NCKAP1L: variants seen among roughly 807,000 people sequenced by gnomAD.
NCKAP1L encodes the protein nck-associated protein 1-like.
A neutral mutation model predicts 139.2 loss-of-function variants in NCKAP1L; 53 were observed. That is an observed-to-expected ratio of 0.38 (90% CI 0.31 to 0.48). The LOEUF (loss-of-function observed/expected upper bound fraction) is 0.48. Ranked by LOEUF, NCKAP1L falls within the 20% of genes least tolerant of loss-of-function variation. The probability of loss-of-function intolerance (pLI) is 0.98; values close to 1 mark genes in which losing one functional copy is unlikely to be tolerated. For synonymous variants in NCKAP1L, 468 were observed against 499.7 expected, an observed-to-expected ratio of 0.94 and a Z score of 0.85; for missense variants, 1,151 against 1,381.9, an observed-to-expected ratio of 0.83 and a Z score of 2.65.
rs773245338 is a variant in NCKAP1L, at chr12:54,537,007, C to T, written c.3137C>T (p.Thr1046Met). 5.3e-5 allele frequency: 86 copies of T among 1,613,536 alleles called. No individual in the cohort carries two copies. The highest frequency in any genetic ancestry group is 6.9e-5 in the Non-Finnish European group (81 of 1,179,680). Residue 1046 changes from threonine (T) to methionine (M), a missense_variant, in exon 29 of 31, where the codon ACG (threonine) becomes ATG (methionine). Coordinates refer to ENST00000293373, the MANE Select transcript of NCKAP1L (RefSeq NM_005337.5). ...ATCCAGGTGTCTGCTGCCCTCTTCA[C>T]GCTCTACAACAAGAACATTGAAACT... Reference protein sequence around the residue: ...AIIQVSAALFTLYNKNIETHL... With the variant: ...AIIQVSAALFMLYNKNIETHL...
chr12:54,499,552 C>G (rs535609470), intron 2 of NCKAP1L, 87 bp downstream of exon 2: 46 of 802,388 alleles, frequency 5.7e-5, no homozygotes, highest in Admixed American at 1.4e-4. Flanking sequence ...TCTCTTCAAA[C>G]TTGGCAGGGG....
intron 20 of NCKAP1L, among the ~76,000 whole-genome samples, chr12:54,525,036 G>A (rs1437947604): frequency 6.6e-6 from 1 of 152,198 alleles, no homozygotes; most frequent in African/African-American, 2.4e-5. Flanking sequence ...TAGGTTCAAG[G>A]GACATGGAGA....
At chr12:54,519,042 A>G in intron 15 of NCKAP1L, 70 bp downstream of exon 15, 1 of 1,557,818 alleles carries the variant, frequency 6.4e-7, no homozygotes, top group Non-Finnish European at 8.8e-7. Flanking sequence ...TTCTCTTTTT[A>G]TCTCCTAAAT....
intron 21 of NCKAP1L, among the ~76,000 whole-genome samples, chr12:54,527,020 T>TC (rs1398270966): frequency 6.6e-6 from 1 of 152,206 alleles, no homozygotes; most frequent in Non-Finnish European, 1.5e-5. Context: ...TCTTAACCTT[T>TC]CTTTTTTGGA....
chr12:54,513,599 A>G (rs774593190), intron 9 of NCKAP1L, among the ~76,000 whole-genome samples: 3 of 152,272 alleles, frequency 2.0e-5, no homozygotes, highest in Admixed American at 1.3e-4. Context: ...AGGAAGGACC[A>G]GTGATCTGTT....
In NCKAP1L at chr12:54,535,204, T is replaced by C. The variant is rs372750536; in HGVS notation, c.2956+7T>C. The stretch of plus-strand genomic sequence containing the variant: ...ATTGCTAATCTGAAAGCTGGTAAGA[T>C]TGGGGAAAGGGGGCGAGATTTGGGA... On this transcript the variant is annotated splice_region_variant and intron_variant, in intron 27 of 30. Transcript: ENST00000293373. The C allele has an allele frequency of 3.6e-5, 58 of 1,611,626 alleles. No homozygotes were observed. The highest frequency in any genetic ancestry group is 2.9e-4 in the East Asian group (13 of 44,832).
intron 9 of NCKAP1L, among the ~76,000 whole-genome samples, chr12:54,513,968 A>ATGTGTGTGTGTG (rs61519403): frequency 2.0e-5 from 3 of 148,700 alleles, no homozygotes; most frequent in African/African-American, 5.0e-5. Flanking sequence ...CATCCTTCAG[A>ATGTGTGTGTGTG]TGTGTGTGTG....
intron 20 of NCKAP1L, 38 bp downstream of exon 20, chr12:54,523,994 C>T: frequency 6.3e-7 from 1 of 1,597,602 alleles, no homozygotes; most frequent in Non-Finnish European, 8.5e-7. Flanking sequence ...GGACAGTAGT[C>T]TTCATACCCT....
At position 54,531,306 on chromosome 12, in the gene NCKAP1L, C is replaced by T. The variant is rs759717588; in HGVS notation, c.2553C>T (p.Phe851=). The T allele has an allele frequency of 5.0e-6, 8 of 1,614,094 alleles. No individual in the cohort carries two copies. The Admixed American group carries it at 1.2e-4, about 24-fold the overall frequency. ...TCCTGGGCCCCTATGGCATGAAGTT[C>T]CTGAGTGAAAACCTGATGTGGCATG... ...AELLGPYGMK[F]LSENLMWHVT... The change falls in exon 23 of 31, where the codon TTC becomes TTT. Residue 851 remains phenylalanine, a synonymous_variant. Transcript: ENST00000293373.
chr12:54,514,512 G>A (rs1016490187), intron 9 of NCKAP1L, among the ~76,000 whole-genome samples: 2 of 151,828 alleles, frequency 1.3e-5, no homozygotes, highest in African/African-American at 2.4e-5. Context: ...TAGTAGAGAC[G>A]GGGTTTTACC....
rs61733902 is a variant in NCKAP1L at position 54,531,297 on chromosome 12, C to A, written c.2544C>A (p.Gly848=). ...RALAELLGPY[G]MKFLSENLMW... ...TGGCAGAACTCCTGGGCCCCTATGG[C>A]ATGAAGTTCCTGAGTGAAAACCTGA... The change falls in exon 23 of 31, where the codon GGC becomes GGA. Residue 848 remains glycine (G), a synonymous_variant. Transcript: ENST00000293373. The A allele has an allele frequency of 1.9e-3, 3,086 of 1,614,132 alleles. 43 individuals carry two copies. In the African/African-American group the frequency reaches 0.035, roughly 19 times the overall value.
At position 54,517,902 on chromosome 12, in the gene NCKAP1L, A is replaced by G. The variant is rs373002274; in HGVS notation, c.1302A>G (p.Ala434=). 5 of 1,614,082 alleles carry G rather than the reference A, an allele frequency of 3.1e-6. No individual in the cohort carries two copies. In the African/African-American group the frequency reaches 6.7e-5, roughly 22 times the overall value. The change falls in exon 13 of 31, where the codon GCA becomes GCG. Residue 434 remains alanine (A), a synonymous_variant. Transcript: ENST00000293373. ...VIQQYHLQYL[A]RFDALVLSDI... ...AGCAATACCACCTTCAGTACTTGGC[A>G]AGATTTGATGCTCTTGTGCTCAGTG...
chr12:54,514,878 GA>G (rs1252026953), intron 9 of NCKAP1L, among the ~76,000 whole-genome samples: 4 of 152,126 alleles, frequency 2.6e-5, no homozygotes, highest in Non-Finnish European at 5.9e-5. Context: ...GCATATGCAT[GA>G]AAAAACTTTC....
In NCKAP1L at chr12:54,531,603, T is replaced by C. The variant is rs770060979; in HGVS notation, c.2698+19T>C. The C allele has an allele frequency of 6.2e-7, 1 of 1,612,688 alleles. No homozygotes were observed. The highest frequency in any genetic ancestry group is 1.7e-4 in the Middle Eastern group (1 of 6,054). On this transcript the variant is annotated intron_variant, in intron 24 of 30. Coordinates refer to ENST00000293373, the MANE Select transcript of NCKAP1L (RefSeq NM_005337.5). ...CTGACAGGTAAGCATCCTCTTCCCC[T>C]ATAGTGAGAAGGAGCTGTGGAATCA... is the stretch of plus-strand genomic sequence containing the variant.
Position 54,520,795 on chromosome 12 carries a change from T to C in NCKAP1L, c.1727T>C (p.Val576Ala). 1.9e-6 allele frequency: 3 copies of C among 1,614,134 alleles called. No individual in the cohort carries two copies. The highest frequency in any genetic ancestry group is 2.5e-6 in the Non-Finnish European group (3 of 1,180,028). ...TTCCCCCTGATTTGTGCTCACTTTG[T>C]CCACTGCACTCATGAGATGTGCCCA... Reference protein sequence around the residue: ...IAFPLICAHFVHCTHEMCPEE... With the variant: ...IAFPLICAHFAHCTHEMCPEE... Residue 576 changes from valine to alanine, a missense_variant, in exon 17 of 31, where the codon GTC (valine) becomes GCC (alanine). By Grantham distance (64) the Val-to-Ala change is moderately conservative. Transcript: ENST00000293373.
intron 26 of NCKAP1L, among the ~76,000 whole-genome samples, chr12:54,532,468 A>G (rs921473230): frequency 7.9e-5 from 12 of 152,044 alleles, no homozygotes; most frequent in African/African-American, 2.2e-4. Context: ...GGGAGACACT[A>G]TGAGGGTTGG....
intron 9 of NCKAP1L, 110 bp downstream of exon 9, chr12:54,512,215 C>A: frequency 8.5e-7 from 1 of 1,181,556 alleles, no homozygotes; most frequent in Non-Finnish European, 1.2e-6. Flanking sequence ...ACGATTAATT[C>A]TAACTATTGA....
intron 3 of NCKAP1L, among the ~76,000 whole-genome samples, chr12:54,504,832 G>A (rs1016161804): frequency 6.6e-5 from 10 of 152,190 alleles, no homozygotes; most frequent in Admixed American, 5.2e-4. Context: ...TTGGTGTTTA[G>A]CATATAGTAA....
At chr12:54,525,997 C>T (rs1277250189) in intron 20 of NCKAP1L, among the ~76,000 whole-genome samples, 1 of 152,154 alleles carries the variant, frequency 6.6e-6, no homozygotes, top group East Asian at 1.9e-4. Context: ...AGCTGCATGC[C>T]AGCCACGCAT....
Sources: gnomAD v4.1 joint callset for allele counts (sites outside exome capture counted in the v4.1 genomes callset) on GRCh38, gnomAD v4.1.1 for gene constraint, MANE v1.5 for transcripts, NCBI Gene and HGNC (gene_info 2026-07-23, HGNC 2026-07-21) for gene names.